Variants in PLCB1 observed in about 807,000 individuals in gnomAD.
PLCB1 encodes phospholipase C beta 1, also known as 1-phosphatidylinositol 4,5-bisphosphate phosphodiesterase beta-1.
A neutral mutation model predicts 161.8 loss-of-function variants in PLCB1; 46 were observed. That is an observed-to-expected ratio of 0.28 (90% CI 0.22 to 0.36). The LOEUF (loss-of-function observed/expected upper bound fraction) is 0.36, where lower values mean the gene tolerates loss of function less well. Ranked by LOEUF, PLCB1 falls within the 10% of genes least tolerant of loss-of-function variation. The probability of loss-of-function intolerance (pLI) is 1.00; values close to 1 mark genes in which losing one functional copy is unlikely to be tolerated. For missense variants in PLCB1, 1,016 were observed against 1,472.5 expected (o/e 0.69, Z 5.07); for synonymous variants, 517 against 503.7 (o/e 1.03, Z -0.35).
intron 4 of PLCB1, among the ~76,000 whole-genome samples, chr20:8,631,685 C>T (rs1988593581): frequency 6.6e-6 from 1 of 152,184 alleles, no homozygotes; most frequent in Non-Finnish European, 1.5e-5. Flanking sequence ...CATCTGCCCC[C>T]TTAATGGTCA....
At chr20:8,333,845 T>G (rs1284774294) in intron 2 of PLCB1, among the ~76,000 whole-genome samples, 3 of 152,220 alleles carry the variant, frequency 2.0e-5, no homozygotes, top group Non-Finnish European at 4.4e-5. Flanking sequence ...GGGCACATAT[T>G]CTTTACAACA....
chr20:8,815,312 T>TTA (rs770895765), intron 31 of PLCB1, among the ~76,000 whole-genome samples: 55 of 152,232 alleles, frequency 3.6e-4, no homozygotes, highest in Non-Finnish European at 4.4e-4. Flanking sequence ...CTTCTCTTCC[T>TTA]TAATAGAGGA....
At chr20:8,404,306 G>A (rs1255522800) in intron 3 of PLCB1, among the ~76,000 whole-genome samples, 1 of 152,084 alleles carries the variant, frequency 6.6e-6, no homozygotes, top group Non-Finnish European at 1.5e-5. Context: ...TTCCTATTGT[G>A]TAGAAAAAAC....
In PLCB1 at chr20:8,757,177, A is replaced by G; in HGVS notation, c.2655A>G (p.Pro885=). The G allele has an allele frequency of 6.2e-7, 1 of 1,608,040 alleles. No homozygotes were observed. The highest frequency in any genetic ancestry group is 8.5e-7 in the Non-Finnish European group (1 of 1,177,770). The change falls in exon 24 of 32, where the codon CCA becomes CCG. Residue 885 remains proline, a splice_region_variant and synonymous_variant. Coordinates refer to ENST00000338037, the MANE Select transcript of PLCB1 (RefSeq NM_015192.4). ...PSQALHSQPA[P]GSVKAPAKTE... ...AGGCTCTCCACAGCCAGCCAGCTCC[A>G]GGTAAGCCATCTGGAAAGAGCTGGA...
chr20:8,341,103 C>T (rs1985792839), intron 2 of PLCB1, among the ~76,000 whole-genome samples: 1 of 152,204 alleles, frequency 6.6e-6, no homozygotes, highest in East Asian at 1.9e-4. Context: ...CACCATGCCC[C>T]CCTCCCATAT....
intron 9 of PLCB1, among the ~76,000 whole-genome samples, chr20:8,679,366 C>T (rs1174653678): frequency 6.6e-6 from 1 of 152,304 alleles, no homozygotes; most frequent in African/African-American, 2.4e-5. Flanking sequence ...CTCCAGGGCT[C>T]CCTTTTCTGG....
intron 14 of PLCB1, among the ~76,000 whole-genome samples, chr20:8,721,870 C>A (rs2123476455): frequency 6.6e-6 from 1 of 152,254 alleles, no homozygotes; most frequent in African/African-American, 2.4e-5. Flanking sequence ...AACACAAGAT[C>A]ACTGAGCTAT....
At chr20:8,658,451 G>T in intron 8 of PLCB1, 87 bp from the exon 9 acceptor site, 1 of 1,031,382 alleles carries the variant, frequency 9.7e-7, no homozygotes, top group Non-Finnish European at 1.4e-6. Flanking sequence ...TCAAGTATAA[G>T]ATTTTATTTC....
chr20:8,757,771 T>C (rs1217543391), intron 24 of PLCB1, among the ~76,000 whole-genome samples: 3 of 152,246 alleles, frequency 2.0e-5, no homozygotes, highest in African/African-American at 4.8e-5. Context: ...ACCTTAGGCC[T>C]GATGCAGTTC....
chr20:8,733,730 G>A (rs1980403014), intron 19 of PLCB1, among the ~76,000 whole-genome samples: 1 of 149,846 alleles, frequency 6.7e-6, no homozygotes, highest in Non-Finnish European at 1.5e-5. Flanking sequence ...CATGGCACAT[G>A]TATACATATG....
chr20:8,736,085 G>T lies in PLCB1; in HGVS notation c.2044-943G>T, dbSNP rs116314247. 7.8e-3 allele frequency among the ~76,000 whole-genome samples: 1,190 copies of T among 152,326 alleles called. 14 individuals carry two copies. The highest frequency in any genetic ancestry group is 0.025 in the African/African-American group (1,025 of 41,580). On this transcript the variant is annotated intron_variant, in intron 19 of 31. Coordinates refer to ENST00000338037, the MANE Select transcript of PLCB1 (RefSeq NM_015192.4). Reference sequence around the variant, plus strand: ...TCCCCTTTTCACAATCTGGAGCTCAGAAAGTTCTTGACCAGCAGGCAATTT... The same window carrying T: ...TCCCCTTTTCACAATCTGGAGCTCATAAAGTTCTTGACCAGCAGGCAATTT...
intron 31 of PLCB1, among the ~76,000 whole-genome samples, chr20:8,807,503 A>G (rs1283947380): frequency 6.6e-6 from 1 of 151,988 alleles, no homozygotes; most frequent in Admixed American, 6.6e-5. Flanking sequence ...ATGCGTGCTT[A>G]TTTCTGTGAC....
At chr20:8,689,474 G>A (rs1435732622) in intron 10 of PLCB1, among the ~76,000 whole-genome samples, 1 of 152,158 alleles carries the variant, frequency 6.6e-6, no homozygotes, top group East Asian at 1.9e-4. Context: ...TAAGTTGGCT[G>A]TGGGTTTGTC....
chr20:8,856,283 A>T (rs73600212), intron 31 of PLCB1, among the ~76,000 whole-genome samples: 1 of 152,168 alleles, frequency 6.6e-6, no homozygotes, highest in Non-Finnish European at 1.5e-5. Flanking sequence ...TTGAAATATG[A>T]TAATGTAAGT....
intron 3 of PLCB1, among the ~76,000 whole-genome samples, chr20:8,561,328 T>C (rs972993724): frequency 6.6e-6 from 1 of 151,952 alleles, no homozygotes; most frequent in Non-Finnish European, 1.5e-5. Context: ...TTATGAACCG[T>C]ATAACTAAGT....
intron 2 of PLCB1, among the ~76,000 whole-genome samples, chr20:8,251,072 G>T (rs960488816): frequency 8.6e-5 from 13 of 151,948 alleles, no homozygotes; most frequent in Non-Finnish European, 1.8e-4. Context: ...CAGAGTCAGT[G>T]TCTGGTAGTG....
At chr20:8,443,168 G>A (rs530753636) in intron 3 of PLCB1, among the ~76,000 whole-genome samples, 22 of 152,142 alleles carry the variant, frequency 1.4e-4, no homozygotes, top group African/African-American at 5.3e-4. Context: ...TTTTAGTAGA[G>A]ATGGGGTTTC....
chr20:8,796,965 G>A lies in PLCB1; in HGVS notation c.3423+6704G>A, dbSNP rs116473645. Among the ~76,000 whole-genome samples the A allele has an allele frequency of 3.8e-3, 581 of 152,128 alleles. 4 individuals carry two copies. The highest frequency in any genetic ancestry group is 0.013 in the African/African-American group (558 of 41,482). On this transcript the variant is annotated intron_variant, in intron 31 of 31. Transcript: ENST00000338037. ...CTTCCTCTAGAAGTTCCTTTCATGC[G>A]GTCTACTGGTGGGAAACTCTTTGGA...
At chr20:8,676,657 C>G (rs1246415760) in intron 9 of PLCB1, among the ~76,000 whole-genome samples, 2 of 150,772 alleles carry the variant, frequency 1.3e-5, no homozygotes. Context: ...CCGAAAGATA[C>G]AAAGGAAGAT....
Sources: allele counts gnomAD v4.1 joint callset (sites outside exome capture counted in the v4.1 genomes callset), GRCh38; gene constraint gnomAD v4.1.1; transcripts MANE v1.5; gene names NCBI Gene and HGNC (gene_info 2026-07-23, HGNC 2026-07-21).